The following CHERP variants were observed in gnomAD, a reference collection of about 807,000 sequenced individuals.
CHERP encodes calcium homeostasis endoplasmic reticulum protein, also known as ERPROT 213-21.
In CHERP, 8 loss-of-function variants were observed where a neutral mutation model predicts 113.8. The observed-to-expected ratio is 0.07, with a 90% CI of 0.04 to 0.13. CHERP has a LOEUF of 0.13. Among genes scored for constraint, CHERP ranks in the 10% least tolerant of loss-of-function variants. The pLI, the probability that CHERP is intolerant of heterozygous loss-of-function variation, is 1.00. For missense variants in CHERP, 884 were observed against 1,298.2 expected, an observed-to-expected ratio of 0.68 and a Z score of 4.90; for synonymous variants, 559 against 524.5, an observed-to-expected ratio of 1.07 and a Z score of -0.90.
In CHERP at chr19:16,529,841, C is replaced by T. The variant is rs2085685880; in HGVS notation, c.936G>A (p.Gln312=). The change falls in exon 8 of 17, where the codon CAG becomes CAA. Residue 312 remains glutamine (Q), a synonymous_variant. Transcript: ENST00000546361. Reference sequence around the variant, plus strand: ...GCTGCGTCTTGAGGGTCTGGATCTGCTGCTGGAAGGCCAGCTGCACCGGCT... The same window carrying T: ...GCTGCGTCTTGAGGGTCTGGATCTGTTGCTGGAAGGCCAGCTGCACCGGCT... ...VVQPVQLAFQ[Q]QIQTLKTQHE... 1 of 1,613,878 alleles carries T rather than the reference C, an allele frequency of 6.2e-7. No individual in the cohort carries two copies. Among genetic ancestry groups the T allele is most frequent in the Non-Finnish European group, 8.5e-7 (1 of 1,180,002 alleles).
chr19:16,525,719 C>T lies in CHERP; in HGVS notation c.1306-42G>A, dbSNP rs867943716. On this transcript the variant is annotated intron_variant, in intron 9 of 16. Transcript: ENST00000546361. This position sits in a 1 kb window ranked among gnomAD's most constrained non-coding sequence, Gnocchi z 6.5. ...AGGCTTGAGCCCTGCGTGGTCTAGG[C>T]CCTAGTGCTCGGCAGCATCACAGCG... The T allele has an allele frequency of 4.2e-5, 60 of 1,429,178 alleles. No homozygotes were observed. The highest frequency in any genetic ancestry group is 5.2e-5 in the Non-Finnish European group (57 of 1,085,752). The allele number at this position is 1,429,178 out of a possible 1,614,324, so 88.5% of individuals were successfully genotyped here. A position where few individuals can be genotyped will look rare whatever the true frequency, so the allele number is the denominator to read the frequency against.
In CHERP at chr19:16,530,111, G is replaced by A. The variant is rs919548630; in HGVS notation, c.877-211C>T. On this transcript the variant is annotated intron_variant, in intron 7 of 16. Transcript: ENST00000546361. The surrounding 1 kb of genome is among the most constrained non-coding windows in gnomAD (Gnocchi z 4.1). Reference sequence around the variant, plus strand: ...TGGGGATGAGGATGTTCGCTGCAGCGTGTTTTACGACTCCCTGATAACAGA... The same window carrying A: ...TGGGGATGAGGATGTTCGCTGCAGCATGTTTTACGACTCCCTGATAACAGA... Among the ~76,000 whole-genome samples the A allele has an allele frequency of 1.3e-5, 2 of 152,232 alleles. No homozygotes were observed. The highest frequency in any genetic ancestry group is 2.4e-5 in the African/African-American group (1 of 41,450).
Position 16,542,408 on chromosome 19 carries a change from G to C in CHERP, c.-30C>G. 7.4e-7 allele frequency: 1 copy of C among 1,346,390 alleles called. No individual in the cohort carries two copies. 83.4% of individuals were successfully genotyped at this position (1,346,390 alleles called of 1,614,324 possible). A position where few individuals can be genotyped will look rare whatever the true frequency, so the allele number is the denominator to read the frequency against. On this transcript the variant is annotated 5_prime_UTR_variant, in exon 1 of 17. Coordinates refer to ENST00000546361, the MANE Select transcript of CHERP (RefSeq NM_006387.6). ...CCGGCCGCGGGGAACGTCCTCCGGC[G>C]CCACACGATCGACCACCAGCGCCGT...
Position 16,535,545 on chromosome 19 carries a change from C to G in CHERP, c.291G>C (p.Pro97=). The stretch of plus-strand genomic sequence containing the variant: ...CCATGGATGGCGCGCCCTGGGCCGG[C>G]GGGATGGGCGCGGCGGGGGCCAGCG... ...QPPLAPAAPI[P]PAQGAPSMDE... is the part of the protein sequence containing the mutation. Residue 97 remains proline, a synonymous_variant, in exon 3 of 17, where the codon CCG becomes CCC. Coordinates refer to ENST00000546361, the MANE Select transcript of CHERP (RefSeq NM_006387.6). The surrounding 1 kb of genome is among the most constrained non-coding windows in gnomAD (Gnocchi z 4.3). 1.3e-6 allele frequency: 2 copies of G among 1,592,184 alleles called. No individual in the cohort carries two copies. The highest frequency in any genetic ancestry group is 1.8e-5 in the Admixed American group (1 of 56,718).
intron 2 of CHERP, among the ~76,000 whole-genome samples, chr19:16,538,502 G>C (rs1469329895): frequency 6.6e-6 from 1 of 152,182 alleles, no homozygotes; most frequent in East Asian, 1.9e-4. Flanking sequence ...GGCCAACATG[G>C]TGAAACCACA....
chr19:16,520,599 AG>A lies in CHERP; in HGVS notation c.2202-93del, dbSNP rs1408886471. On this transcript the variant is annotated intron_variant, in intron 13 of 16. Transcript: ENST00000546361. The surrounding 1 kb of genome is among the most constrained non-coding windows in gnomAD (Gnocchi z 4.0). ...CAGGTTCCTAGACCACCCCAGATGC[AG>A]GGGCTCTGGCTGTGGATGTGGCGCC... is the stretch of plus-strand genomic sequence containing the variant. 4 of 1,424,972 alleles carry A rather than the reference AG, an allele frequency of 2.8e-6. No individual in the cohort carries two copies. Among genetic ancestry groups the A allele is most frequent in the Non-Finnish European group, 3.9e-6 (4 of 1,037,794 alleles). The allele number at this position is 1,424,972 out of a possible 1,614,324, so 88.3% of individuals were successfully genotyped here.
chr19:16,539,078 G>A (rs1048219474), intron 2 of CHERP, among the ~76,000 whole-genome samples: 1 of 151,576 alleles, frequency 6.6e-6, no homozygotes, highest in Non-Finnish European at 1.5e-5. Flanking sequence ...TACACCACCG[G>A]CCACACAACC....
rs752890741 is a variant in CHERP, at chr19:16,520,375, G to T, written c.2334C>A (p.Arg778=). The change falls in exon 14 of 17, where the codon CGC becomes CGA. Residue 778 remains arginine (R), a synonymous_variant. Coordinates refer to ENST00000546361, the MANE Select transcript of CHERP (RefSeq NM_006387.6). This position sits in a 1 kb window ranked among gnomAD's most constrained non-coding sequence, Gnocchi z 4.0. The part of the protein sequence containing the change: ...RSRSCSRSYS[R]SRSRSRSRSR... ...CAGCCTCTGCCTACCTAGATCTGGAGCGGGAGTAGGAACGGGAGCAGGAGC... is the reference window on the plus strand; with the variant it reads ...CAGCCTCTGCCTACCTAGATCTGGATCGGGAGTAGGAACGGGAGCAGGAGC... The T allele has an allele frequency of 2.5e-6, 4 of 1,613,966 alleles. No homozygotes were observed. The highest frequency in any genetic ancestry group is 2.5e-6 in the Non-Finnish European group (3 of 1,179,984).
rs766931490 is a variant in CHERP, at chr19:16,530,752, G to C, written c.786+17C>G. The stretch of plus-strand genomic sequence containing the variant: ...GTGTCCCGGTCTTGCCCAACCCCCG[G>C]CCCGGGGCCCACGCACCCGGGCGAT... On this transcript the variant is annotated intron_variant, in intron 6 of 16. Coordinates refer to ENST00000546361, the MANE Select transcript of CHERP (RefSeq NM_006387.6). The surrounding 1 kb of genome is among the most constrained non-coding windows in gnomAD (Gnocchi z 4.1). The C allele has an allele frequency of 3.7e-6, 6 of 1,613,866 alleles. No homozygotes were observed. In the East Asian group the frequency reaches 1.3e-4, roughly 36 times the overall value.
chr19:16,522,328 G>A (rs2085624186), intron 11 of CHERP, among the ~76,000 whole-genome samples: 3 of 151,484 alleles, frequency 2.0e-5, no homozygotes, highest in South Asian at 4.1e-4. Flanking sequence ...GCGTGATCTC[G>A]GCTCAGTGCA....
intron 2 of CHERP, 61 bp downstream of exon 2, chr19:16,541,809 G>A (rs1568266287): frequency 1.3e-6 from 2 of 1,539,218 alleles, no homozygotes; most frequent in East Asian, 4.5e-5. Context: ...GGCAGAGCCC[G>A]GACTGGAATC....
At chr19:16,521,196 G>A (rs2085611591) in intron 12 of CHERP, 1 of 581,520 alleles carries the variant, frequency 1.7e-6, no homozygotes, top group Non-Finnish European at 3.1e-6. Flanking sequence ...CTGACTCATG[G>A]GTGGACAGGC....
chr19:16,522,078 C>T (rs2085621113), intron 11 of CHERP, among the ~76,000 whole-genome samples: 1 of 151,928 alleles, frequency 6.6e-6, no homozygotes, highest in African/African-American at 2.4e-5. Flanking sequence ...TCTGCTCCGT[C>T]TCTGTCCTCC....
chr19:16,530,031 G>A lies in CHERP; in HGVS notation c.877-131C>T. On this transcript the variant is annotated intron_variant, in intron 7 of 16. Coordinates refer to ENST00000546361, the MANE Select transcript of CHERP (RefSeq NM_006387.6). This position sits in a 1 kb window ranked among gnomAD's most constrained non-coding sequence, Gnocchi z 4.1. ...GCAGGTGGACAGGGAACCGTCACGT[G>A]AAACAGCCAACACAGTCTGGGCAAT... is the stretch of plus-strand genomic sequence containing the variant. 1 of 1,203,966 alleles carries A rather than the reference G, an allele frequency of 8.3e-7. No homozygotes were observed. Among genetic ancestry groups the A allele is most frequent in the Non-Finnish European group, 1.2e-6 (1 of 869,100 alleles). The allele number at this position is 1,203,966 out of a possible 1,614,324, so 74.6% of individuals were successfully genotyped here.
chr19:16,521,422 GACA>G, intron 12 of CHERP, 96 bp downstream of exon 12: 1 of 1,210,172 alleles, frequency 8.3e-7, no homozygotes, highest in Non-Finnish European at 1.1e-6. Flanking sequence ...TCTCCTGAGG[GACA>G]GCCACATTTT....
Position 16,525,722 on chromosome 19 carries a change from TAGTGCTCGGCAGCATCAC to T in CHERP, c.1306-63_1306-46del. 7.0e-7 allele frequency: 1 copy of T among 1,418,860 alleles called. No homozygotes were observed. Among genetic ancestry groups the T allele is most frequent in the Non-Finnish European group, 9.3e-7 (1 of 1,079,048 alleles). 87.9% of individuals were successfully genotyped at this position (1,418,860 alleles called of 1,614,324 possible). On this transcript the variant is annotated intron_variant, in intron 9 of 16. Coordinates refer to ENST00000546361, the MANE Select transcript of CHERP (RefSeq NM_006387.6). This position sits in a 1 kb window ranked among gnomAD's most constrained non-coding sequence, Gnocchi z 6.5. ...CTTGAGCCCTGCGTGGTCTAGGCCC[TAGTGCTCGGCAGCATCAC>T]AGCGCTCGGCAGCATCACAGCGCTG...
intron 11 of CHERP, 60 bp from the exon 12 acceptor site, chr19:16,521,714 G>A: frequency 6.8e-7 from 1 of 1,471,818 alleles, no homozygotes; most frequent in Non-Finnish European, 9.1e-7. Flanking sequence ...GGCCCACCCA[G>A]GGTCTGCAAG....
chr19:16,523,319 A>G lies in CHERP; in HGVS notation c.1742-29T>C, dbSNP rs2085634316. 1 of 1,599,914 alleles carries G rather than the reference A, an allele frequency of 6.3e-7. No homozygotes were observed. The highest frequency in any genetic ancestry group is 8.5e-7 in the Non-Finnish European group (1 of 1,174,488). ...CAAAACAGAGACTTGCCTCAGGACC[A>G]CAGGCCAGTCAGGATCTCCCAGGCG... On this transcript the variant is annotated intron_variant, in intron 10 of 16. Coordinates refer to ENST00000546361, the MANE Select transcript of CHERP (RefSeq NM_006387.6). This position sits in a 1 kb window ranked among gnomAD's most constrained non-coding sequence, Gnocchi z 4.0.
chr19:16,525,347 G>A lies in CHERP; in HGVS notation c.1636C>T (p.Arg546Cys), dbSNP rs868606588. The A allele has an allele frequency of 2.7e-6, 4 of 1,482,782 alleles. No individual in the cohort carries two copies. Among genetic ancestry groups the A allele is most frequent in the Non-Finnish European group, 3.6e-6 (4 of 1,115,914 alleles). 91.9% of individuals were successfully genotyped at this position (1,482,782 alleles called of 1,614,324 possible). Reference protein sequence around the residue: ...NQPPHPHNFNRFPPRFMQDDF... With the variant: ...NQPPHPHNFNCFPPRFMQDDF... ...TCCTGCATGAAGCGGGGCGGGAAGC[G>A]GTTGAAGTTGTGGGGGTGCGGAGGC... The change falls in exon 10 of 17, where the codon CGC becomes TGC. Residue 546 changes from arginine to cysteine, a missense_variant. Transcript: ENST00000546361. The surrounding 1 kb of genome is among the most constrained non-coding windows in gnomAD (Gnocchi z 6.5).
Sources: allele counts gnomAD v4.1 joint callset (sites outside exome capture counted in the v4.1 genomes callset), GRCh38; gene constraint gnomAD v4.1.1; non-coding constraint Gnocchi (gnomAD v3.1); transcripts MANE v1.5; gene names NCBI Gene and HGNC (gene_info 2026-07-23, HGNC 2026-07-21).